POU2F1: variants seen among roughly 807,000 people sequenced by gnomAD.
POU2F1 encodes POU domain, class 2, transcription factor 1.
A neutral mutation model predicts 84.9 loss-of-function variants in POU2F1; 16 were observed. That is an observed-to-expected ratio of 0.19 (90% CI 0.13 to 0.29). The LOEUF (loss-of-function observed/expected upper bound fraction) is 0.29, where lower values mean the gene tolerates loss of function less well. POU2F1 is among the 10% of genes least tolerant of loss of function. The probability of loss-of-function intolerance (pLI) is 1.00; values close to 1 mark genes in which losing one functional copy is unlikely to be tolerated. For synonymous variants in POU2F1, 368 were observed against 368.3 expected, an observed-to-expected ratio of 1.00 and a Z score of 0.01; for missense variants, 738 against 942.6, an observed-to-expected ratio of 0.78 and a Z score of 2.84.
At chr1:167,261,460 T>G (rs1651563488) in intron 1 of POU2F1, among the ~76,000 whole-genome samples, 1 of 152,138 alleles carries the variant, frequency 6.6e-6, no homozygotes, top group Non-Finnish European at 1.5e-5. Context: ...CATGGGTTAT[T>G]TTTCTTTTTA....
rs546182340 is a variant in POU2F1, at chr1:167,226,871, C to T, written c.61+5913C>T. ...AAGATTTCAGTGTTGCCTACATTTG[C>T]TGACAGGACTAGTAATTGAGCAAAA... On this transcript the variant is annotated intron_variant, in intron 1 of 15. Coordinates refer to ENST00000367866, the MANE Select transcript of POU2F1 (RefSeq NM_002697.4). Among the ~76,000 whole-genome samples the T allele has an allele frequency of 4.6e-5, 7 of 152,270 alleles. No homozygotes were observed. The South Asian group carries it at 1.5e-3, about 32-fold the overall frequency.
chr1:167,266,459 TAATCTC>T (rs1298264070), intron 1 of POU2F1, among the ~76,000 whole-genome samples: 4 of 152,144 alleles, frequency 2.6e-5, no homozygotes, highest in African/African-American at 9.7e-5. Context: ...AAGTGTGTCA[TAATCTC>T]AATTTGAAGA....
intron 2 of POU2F1, among the ~76,000 whole-genome samples, chr1:167,335,962 T>C (rs1657416071): frequency 6.6e-6 from 1 of 152,184 alleles, no homozygotes. Flanking sequence ...GGAATTTTTT[T>C]GAGATTTGCA....
chr1:167,259,443 C>T (rs1171326409), intron 1 of POU2F1, among the ~76,000 whole-genome samples: 4 of 152,116 alleles, frequency 2.6e-5, no homozygotes, highest in African/African-American at 9.7e-5. Context: ...AATAAATATG[C>T]CACAGTTGAT....
chr1:167,229,299 A>G (rs1021621), intron 1 of POU2F1, among the ~76,000 whole-genome samples: 70,246 of 151,858 alleles, frequency 0.46, 16,604 homozygotes, highest in Middle Eastern at 0.61. Flanking sequence ...CCATAAGCAG[A>G]TGTAGGGATG....
intron 1 of POU2F1, among the ~76,000 whole-genome samples, chr1:167,232,894 C>T (rs1649169351): frequency 6.6e-6 from 1 of 151,158 alleles, no homozygotes; most frequent in African/African-American, 2.4e-5. Flanking sequence ...TTATTGAACA[C>T]AGACTTTTTC....
At chr1:167,225,129 G>A (rs1648533775) in intron 1 of POU2F1, among the ~76,000 whole-genome samples, 1 of 152,026 alleles carries the variant, frequency 6.6e-6, no homozygotes, top group African/African-American at 2.4e-5. Context: ...TGCCCAGCCC[G>A]TTGTCACTTT....
chr1:167,331,547 T>C (rs1359794617), intron 1 of POU2F1, among the ~76,000 whole-genome samples: 2 of 152,098 alleles, frequency 1.3e-5, no homozygotes, highest in African/African-American at 4.8e-5. Flanking sequence ...ACTTGTTTGA[T>C]CATAAATATT....
intron 7 of POU2F1, among the ~76,000 whole-genome samples, chr1:167,382,813 C>A (rs906034666): frequency 6.6e-6 from 1 of 152,018 alleles, no homozygotes; most frequent in Non-Finnish European, 1.5e-5. Context: ...TTATTTGTGA[C>A]CTACATTATG....
chr1:167,374,017 T>C (rs749841147), intron 5 of POU2F1, 91 bp from the exon 6 acceptor site: 97 of 1,214,570 alleles, frequency 8.0e-5, no homozygotes, highest in Non-Finnish European at 1.1e-4. Flanking sequence ...GGGACTGATA[T>C]CATTTGAGTT....
intron 1 of POU2F1, among the ~76,000 whole-genome samples, chr1:167,266,264 C>T (rs1185620339): frequency 6.6e-6 from 1 of 152,120 alleles, no homozygotes; most frequent in African/African-American, 2.4e-5. Context: ...TTTAAATCTC[C>T]TTAATGGTAC....
chr1:167,241,866 T>C (rs1571148342), intron 1 of POU2F1, among the ~76,000 whole-genome samples: 1 of 152,290 alleles, frequency 6.6e-6, no homozygotes, highest in Admixed American at 6.5e-5. Flanking sequence ...AAAAATAATT[T>C]GAGGGTTTTG....
In POU2F1 at chr1:167,238,010, G is replaced by A. The variant is rs182592662; in HGVS notation, c.61+17052G>A. Reference sequence around the variant, plus strand: ...TTGGCCAGGCTGGTCTCTAACTCCTGACCTGAAGTGATCTGCCCGCCTTGG... The same window carrying A: ...TTGGCCAGGCTGGTCTCTAACTCCTAACCTGAAGTGATCTGCCCGCCTTGG... On this transcript the variant is annotated intron_variant, in intron 1 of 15. Transcript: ENST00000367866. Among the ~76,000 whole-genome samples the A allele has an allele frequency of 2.5e-3, 381 of 151,756 alleles. 1 individual carries two copies. The highest frequency in any genetic ancestry group is 8.7e-3 in the African/African-American group (362 of 41,374).
intron 1 of POU2F1, among the ~76,000 whole-genome samples, chr1:167,268,024 G>A (rs963578836): frequency 2.6e-5 from 4 of 152,104 alleles, no homozygotes; most frequent in Non-Finnish European, 5.9e-5. Flanking sequence ...GGTGGCGCTG[G>A]TGGTTTTGTG....
intron 2 of POU2F1, among the ~76,000 whole-genome samples, chr1:167,363,503 T>C (rs558123715): frequency 6.6e-6 from 1 of 152,312 alleles, no homozygotes; most frequent in African/African-American, 2.4e-5. Context: ...ACAAAACGCA[T>C]GACTTTAAAA....
chr1:167,233,041 A>G (rs1571129806), intron 1 of POU2F1, among the ~76,000 whole-genome samples: 1 of 152,010 alleles, frequency 6.6e-6, no homozygotes, highest in South Asian at 2.1e-4. Context: ...TTGCAAGCCC[A>G]TTCAGGTAAG....
At chr1:167,346,155 A>G (rs907715825) in intron 2 of POU2F1, among the ~76,000 whole-genome samples, 1 of 152,080 alleles carries the variant, frequency 6.6e-6, no homozygotes, top group East Asian at 1.9e-4. Context: ...AGCCTGGGTG[A>G]CAGAGTGAGA....
chr1:167,415,846 C>G lies in POU2F1; in HGVS notation c.*36C>G. On this transcript the variant is annotated 3_prime_UTR_variant, in exon 16 of 16. Transcript: ENST00000367866. ...GCTGGGCTGCCAGAAGCCTTTTTCACTCTGCAGTGTGATTGGACTGCCAGC... is the reference window on the plus strand; with the variant it reads ...GCTGGGCTGCCAGAAGCCTTTTTCAGTCTGCAGTGTGATTGGACTGCCAGC... The G allele has an allele frequency of 6.4e-7, 1 of 1,571,830 alleles. No homozygotes were observed. The highest frequency in any genetic ancestry group is 8.7e-7 in the Non-Finnish European group (1 of 1,154,710).
chr1:167,317,642 A>G (rs1238777745), intron 1 of POU2F1, among the ~76,000 whole-genome samples: 3 of 152,230 alleles, frequency 2.0e-5, no homozygotes, highest in African/African-American at 7.2e-5. Flanking sequence ...CAGATTGCTC[A>G]TGCTATTATT....
Sources: allele counts gnomAD v4.1 joint callset (sites outside exome capture counted in the v4.1 genomes callset), GRCh38; gene constraint gnomAD v4.1.1; transcripts MANE v1.5; gene names NCBI Gene and HGNC (gene_info 2026-07-23, HGNC 2026-07-21).